The following DPP6 variants were observed in gnomAD, a reference collection of about 807,000 sequenced individuals.
DPP6 encodes the protein dipeptidyl peptidase like 6.
Under a neutral mutation model 122.6 loss-of-function variants are expected in DPP6, and 69 were observed. The observed-to-expected ratio is 0.56, with a 90% confidence interval of 0.46 to 0.69. DPP6 has a LOEUF of 0.69. DPP6 is among the 30% of genes least tolerant of loss of function. The pLI is 0.00. For synonymous variants in DPP6, 418 were observed against 433.1 expected, an observed-to-expected ratio of 0.97 and a Z score of 0.43; for missense variants, 928 against 1,116.9, an observed-to-expected ratio of 0.83 and a Z score of 2.41.
At chr7:153,973,675 G>GTGTC (rs61194333) in intron 1 of DPP6, among the ~76,000 whole-genome samples, 52,379 of 131,606 alleles carry the variant, frequency 0.4, 12,120 homozygotes, top group Non-Finnish European at 0.52. Context: ...GTGTGTGTGT[G>GTGTC]TCTAATGGTA....
At chr7:154,817,640 A>G (rs1799503547) in intron 16 of DPP6, among the ~76,000 whole-genome samples, 2 of 152,322 alleles carry the variant, frequency 1.3e-5, no homozygotes, top group Non-Finnish European at 2.9e-5. Flanking sequence ...TGAATGATTA[A>G]TGTCATAAAT....
intron 1 of DPP6, among the ~76,000 whole-genome samples, chr7:154,300,160 G>A (rs1382830705): frequency 6.6e-6 from 1 of 152,244 alleles, no homozygotes; most frequent in Non-Finnish European, 1.5e-5. Context: ...AAGACAAGCG[G>A]CTGCTGGAGT....
At chr7:154,771,305 A>G (rs1200210238) in intron 9 of DPP6, among the ~76,000 whole-genome samples, 1 of 152,224 alleles carries the variant, frequency 6.6e-6, no homozygotes, top group Non-Finnish European at 1.5e-5. Context: ...TCTTTCTCAC[A>G]GTTTTGGCAG....
At chr7:153,967,495 G>T (rs948529328) in intron 1 of DPP6, among the ~76,000 whole-genome samples, 13 of 152,296 alleles carry the variant, frequency 8.5e-5, no homozygotes, top group African/African-American at 3.1e-4. Context: ...AGCCTGCCTT[G>T]TAGTGATTGG....
At chr7:154,229,237 A>G (rs1405190783) in intron 1 of DPP6, among the ~76,000 whole-genome samples, 1 of 152,146 alleles carries the variant, frequency 6.6e-6, no homozygotes, top group Non-Finnish European at 1.5e-5. Context: ...CTTGGTAGCC[A>G]TTGCTAAGGT....
At chr7:154,851,269 G>C (rs1383465598) in intron 16 of DPP6, among the ~76,000 whole-genome samples, 1 of 152,046 alleles carries the variant, frequency 6.6e-6, no homozygotes, top group Admixed American at 6.5e-5. Context: ...GTAAAATATG[G>C]TTAGAAATAT....
chr7:154,738,500 G>A (rs528731988), intron 8 of DPP6, among the ~76,000 whole-genome samples: 116 of 152,298 alleles, frequency 7.6e-4, no homozygotes, highest in Non-Finnish European at 1.4e-3. Context: ...TAAATAAAAC[G>A]TTCAGCTGTG....
rs565555980 is a variant in DPP6 at position 154,649,684 on chromosome 7, T to C, written c.680+11811T>C. 3.3e-5 allele frequency among the ~76,000 whole-genome samples: 5 copies of C among 152,338 alleles called. No homozygotes were observed. In the East Asian group the frequency reaches 9.6e-4, roughly 29 times the overall value. The stretch of plus-strand genomic sequence containing the variant: ...CAGCCTGCACCTGCCTTTCTCTACC[T>C]GGCACCTGGGGCCTCATGGGGGATG... On this transcript the variant is annotated intron_variant, in intron 6 of 25. Transcript: ENST00000377770.
intron 3 of DPP6, 179 bp downstream of exon 3, chr7:154,475,216 A>G (rs1822625948): frequency 3.2e-6 from 2 of 623,628 alleles, no homozygotes; most frequent in Non-Finnish European, 3.0e-6. Flanking sequence ...GTATCTGGTA[A>G]AATCAGGCTT....
chr7:154,617,380 A>T (rs1302885191), intron 5 of DPP6, among the ~76,000 whole-genome samples: 1 of 152,094 alleles, frequency 6.6e-6, no homozygotes, highest in Non-Finnish European at 1.5e-5. Flanking sequence ...TAATGTTCTA[A>T]CTCTACTGCC....
At chr7:154,357,950 A>AG (rs1811411902) in intron 1 of DPP6, among the ~76,000 whole-genome samples, 1 of 151,514 alleles carries the variant, frequency 6.6e-6, no homozygotes, top group African/African-American at 2.4e-5. Context: ...TCGTCTCAAA[A>AG]AAAAAAAAAA....
chr7:153,800,519 T>A, the DPP6 span, among the ~76,000 whole-genome samples: 57 of 152,060 alleles, frequency 3.7e-4, no homozygotes, highest in Non-Finnish European at 5.9e-5. Context: ...GTGACTACAG[T>A]TAACGAAACT....
chr7:154,560,284 A>G (rs1039234020), intron 4 of DPP6, among the ~76,000 whole-genome samples: 2 of 152,176 alleles, frequency 1.3e-5, no homozygotes, highest in East Asian at 3.8e-4. Flanking sequence ...TCTGAATGTA[A>G]TCTCATGTAA....
the DPP6 span, among the ~76,000 whole-genome samples, chr7:153,804,861 G>C: frequency 3.4e-4 from 51 of 151,898 alleles, no homozygotes; most frequent in Non-Finnish European, 4.6e-4. Flanking sequence ...TCCAGCCTGG[G>C]CAACAGAGAG....
chr7:153,814,394 AG>A, the DPP6 span, among the ~76,000 whole-genome samples: 1 of 69,862 alleles, frequency 1.4e-5, no homozygotes, highest in Non-Finnish European at 2.6e-5. Flanking sequence ...CACCCTCCCA[AG>A]ACTCTAAACC....
At chr7:154,753,392 G>A (rs1032556542) in intron 8 of DPP6, among the ~76,000 whole-genome samples, 8 of 152,228 alleles carry the variant, frequency 5.3e-5, no homozygotes, top group African/African-American at 1.7e-4. Context: ...GATACATGCC[G>A]ATTTGCAGGG....
chr7:154,416,969 A>C (rs1490866996), intron 1 of DPP6, among the ~76,000 whole-genome samples: 1 of 152,200 alleles, frequency 6.6e-6, no homozygotes, highest in Non-Finnish European at 1.5e-5. Flanking sequence ...TCATGTTTAC[A>C]GTTTCACCTT....
At chr7:153,993,310 A>C (rs1797271050) in intron 1 of DPP6, among the ~76,000 whole-genome samples, 1 of 152,222 alleles carries the variant, frequency 6.6e-6, no homozygotes, top group South Asian at 2.1e-4. Context: ...GTCTTCTTAC[A>C]AACACATCTT....
At chr7:153,795,846 T>C in the DPP6 span, among the ~76,000 whole-genome samples, 1 of 150,390 alleles carries the variant, frequency 6.6e-6, no homozygotes, top group African/African-American at 2.4e-5. Context: ...TCTTCTTTGA[T>C]TGCATTTTTT....
Sources: allele counts gnomAD v4.1 joint callset (sites outside exome capture counted in the v4.1 genomes callset), GRCh38; gene constraint gnomAD v4.1.1; transcripts MANE v1.5; gene names NCBI Gene and HGNC (gene_info 2026-07-23, HGNC 2026-07-21).